NCBP3: variants seen among roughly 807,000 people sequenced by gnomAD.
NCBP3 encodes nuclear cap-binding protein subunit 3.
Under a neutral mutation model 75.7 loss-of-function variants are expected in NCBP3, and 20 were observed. The ratio of observed to expected loss-of-function variants is 0.26; its 90% CI spans 0.19 to 0.38. The LOEUF (loss-of-function observed/expected upper bound fraction) is 0.38. Ranked by LOEUF, NCBP3 falls within the 10% of genes least tolerant of loss-of-function variation. NCBP3 has a pLI of 1.00. For missense variants in NCBP3, 678 were observed against 796.9 expected (o/e 0.85, Z 1.80); for synonymous variants, 293 against 290.5 (o/e 1.01, Z -0.09).
In NCBP3 at chr17:3,843,083, T is replaced by C; in HGVS notation, c.249+3A>G. 1.3e-6 allele frequency: 2 copies of C among 1,550,066 alleles called. No individual in the cohort carries two copies. The highest frequency in any genetic ancestry group is 1.7e-6 in the Non-Finnish European group (2 of 1,145,524). ...TGAATAAATAAATCATAGCCTGTCT[T>C]ACCTTGGAGGTGACATCAATTCCAG... On this transcript the variant is annotated splice_donor_region_variant and intron_variant, in intron 2 of 12. Coordinates refer to ENST00000389005, the MANE Select transcript of NCBP3 (RefSeq NM_001114118.3).
rs907155420 is a variant in NCBP3 at position 3,829,308 on chromosome 17, T to C, written c.416A>G (p.Gln139Arg). 1.4e-5 allele frequency: 22 copies of C among 1,551,628 alleles called. No individual in the cohort carries two copies. The highest frequency in any genetic ancestry group is 1.8e-5 in the Non-Finnish European group (21 of 1,146,972). The change falls in exon 4 of 13, where the codon CAA becomes CGA. Residue 139 changes from glutamine (Q) to arginine (R), a missense_variant. Physicochemically the swap from Gln to Arg is conservative, Grantham distance 43 (BLOSUM62 1). Coordinates refer to ENST00000389005, the MANE Select transcript of NCBP3 (RefSeq NM_001114118.3). ...TTCTTTAAAATAGGAAAAGACATCT[T>C]GGGTGCTCATCTCATCTACTCCGCA... Reference protein sequence around the residue: ...YICGVDEMSTQDVFSYFKEYP... With the variant: ...YICGVDEMSTRDVFSYFKEYP...
chr17:3,825,248 C>T (rs2053762887), intron 6 of NCBP3, among the ~76,000 whole-genome samples, 198 bp from the exon 7 acceptor site: 1 of 152,108 alleles, frequency 6.6e-6, no homozygotes, highest in Non-Finnish European at 1.5e-5. Flanking sequence ...ATTCTCTATC[C>T]CCTACTCTTT....
At chr17:3,825,224 G>C (rs781486457) in intron 6 of NCBP3, among the ~76,000 whole-genome samples, 174 bp from the exon 7 acceptor site, 3 of 152,150 alleles carry the variant, frequency 2.0e-5, no homozygotes, top group Non-Finnish European at 2.9e-5. Flanking sequence ...TTGTCTAAAA[G>C]AACAGTCTCC....
At chr17:3,844,253 AC>A (rs2054118492) in intron 1 of NCBP3, among the ~76,000 whole-genome samples, 2 of 152,192 alleles carry the variant, frequency 1.3e-5, no homozygotes, top group African/African-American at 2.4e-5. Flanking sequence ...TCTGACAGTC[AC>A]TAATTACAGG....
intron 4 of NCBP3, among the ~76,000 whole-genome samples, chr17:3,828,191 T>C (rs1401729043): frequency 2.0e-5 from 3 of 152,210 alleles, no homozygotes; most frequent in Non-Finnish European, 4.4e-5. Context: ...AGTGCTGGGA[T>C]TACAGGCCTG....
chr17:3,814,567 GC>G, intron 11 of NCBP3, 84 bp from the exon 12 acceptor site: 1 of 1,443,132 alleles, frequency 6.9e-7, no homozygotes, highest in South Asian at 1.3e-5. Context: ...AACGGATCTG[GC>G]GCTAACCCCT....
At chr17:3,839,478 G>C (rs2054029054) in intron 3 of NCBP3, among the ~76,000 whole-genome samples, 1 of 152,130 alleles carries the variant, frequency 6.6e-6, no homozygotes, top group Non-Finnish European at 1.5e-5. Context: ...CTCCCGAGTA[G>C]CTGAGATTAC....
rs768425985 is a variant in NCBP3 at position 3,826,148 on chromosome 17, T to C, written c.549A>G (p.Ala183=). 9.7e-6 allele frequency: 15 copies of C among 1,551,572 alleles called. No homozygotes were observed. The highest frequency in any genetic ancestry group is 1.2e-5 in the Non-Finnish European group (14 of 1,146,956). The change falls in exon 5 of 13, where the codon GCA becomes GCG. Residue 183 remains alanine, a synonymous_variant. Coordinates refer to ENST00000389005, the MANE Select transcript of NCBP3 (RefSeq NM_001114118.3). The stretch of plus-strand genomic sequence containing the variant: ...CATCCCTGCTTCTGATCTTATCCTG[T>C]GCAGGCAGGGAGCTCATATTGATAA... ...RALINMSSLP[A]QDKIRSRDAS... is the part of the protein sequence containing the mutation.
rs1196755502 is a variant in NCBP3, at chr17:3,810,186, G to C, written c.*2858C>G. On this transcript the variant is annotated 3_prime_UTR_variant, in exon 13 of 13. Transcript: ENST00000389005. ...AAATTAAGCTGGTAACAACAACAAAGGTTCATCCCGCTGCAGTGTGCAGAA... is the reference window on the plus strand; with the variant it reads ...AAATTAAGCTGGTAACAACAACAAACGTTCATCCCGCTGCAGTGTGCAGAA... 1 of 152,218 alleles carries C rather than the reference G, an allele frequency of 6.6e-6. No individual in the cohort carries two copies. The highest frequency in any genetic ancestry group is 1.5e-5 in the Non-Finnish European group (1 of 68,056). The allele number at this position is 152,218 out of a possible 1,614,324, so 9.4% of individuals were successfully genotyped here.
rs2053354647 is a variant in NCBP3 at position 3,807,989 on chromosome 17, T to C, written c.*5055A>G. 6.6e-6 allele frequency: 1 copy of C among 152,184 alleles called. No individual in the cohort carries two copies. The highest frequency in any genetic ancestry group is 6.6e-5 in the Admixed American group (1 of 15,266). The allele number at this position is 152,184 out of a possible 1,614,324, so 9.4% of individuals were successfully genotyped here. A position where few individuals can be genotyped will look rare whatever the true frequency, so the allele number is the denominator to read the frequency against. On this transcript the variant is annotated 3_prime_UTR_variant, in exon 13 of 13. Transcript: ENST00000389005. ...TTTCGCTTAAACACAATGGTATTTGTCTGAAAAAGATTTAAAAAAAGAAAA... is the reference window on the plus strand; with the variant it reads ...TTTCGCTTAAACACAATGGTATTTGCCTGAAAAAGATTTAAAAAAAGAAAA...
Position 3,808,376 on chromosome 17 carries a change from GACCTTAGA to G in NCBP3, c.*4660_*4667del, listed in dbSNP as rs1397065811. 6.6e-6 allele frequency: 1 copy of G among 152,182 alleles called. No homozygotes were observed. The highest frequency in any genetic ancestry group is 1.9e-4 in the East Asian group (1 of 5,200). 9.4% of individuals were successfully genotyped at this position (152,182 alleles called of 1,614,324 possible). A position where few individuals can be genotyped will look rare whatever the true frequency, so the allele number is the denominator to read the frequency against. On this transcript the variant is annotated 3_prime_UTR_variant, in exon 13 of 13. Coordinates refer to ENST00000389005, the MANE Select transcript of NCBP3 (RefSeq NM_001114118.3). ...ACACTCCATTTTTATCTTAGGCACT[GACCTTAGA>G]ACTGAATCCTGGAGAGAGCTGAGAC... is the stretch of plus-strand genomic sequence containing the variant.
At position 3,806,726 on chromosome 17, in the gene NCBP3, A is replaced by G. The variant is rs571887376; in HGVS notation, c.*6318T>C. 1 of 152,106 alleles carries G rather than the reference A, an allele frequency of 6.6e-6. No homozygotes were observed. Among genetic ancestry groups the G allele is most frequent in the Non-Finnish European group, 1.5e-5 (1 of 67,950 alleles). 9.4% of individuals were successfully genotyped at this position (152,106 alleles called of 1,614,324 possible). A position where few individuals can be genotyped will look rare whatever the true frequency, so the allele number is the denominator to read the frequency against. On this transcript the variant is annotated 3_prime_UTR_variant, in exon 13 of 13. Transcript: ENST00000389005. ...GTTCATAGAGCTTCATTGAAAAAAAAAAAAAAAAAAAAGCTACAATATTTT... is the reference window on the plus strand; with the variant it reads ...GTTCATAGAGCTTCATTGAAAAAAAGAAAAAAAAAAAAGCTACAATATTTT...
chr17:3,832,890 G>A (rs1433251129), intron 3 of NCBP3, among the ~76,000 whole-genome samples: 1 of 152,094 alleles, frequency 6.6e-6, no homozygotes, highest in Non-Finnish European at 1.5e-5. Context: ...TGTAAGTGTG[G>A]CCAGACTAAT....
intron 9 of NCBP3, among the ~76,000 whole-genome samples, chr17:3,820,507 C>G (rs1476869723): frequency 6.6e-6 from 1 of 152,084 alleles, no homozygotes. Context: ...GAAAGAAACC[C>G]AAGTCATGAT....
rs559565759 is a variant in NCBP3, at chr17:3,837,560, T to C, written c.355+2540A>G. 9.7e-4 allele frequency among the ~76,000 whole-genome samples: 145 copies of C among 150,240 alleles called. 1 individual carries two copies. Among genetic ancestry groups the C allele is most frequent in the African/African-American group, 3.1e-3 (126 of 40,820 alleles). The stretch of plus-strand genomic sequence containing the variant: ...TCAGGAGGTCAGGAGCTTGAAACCC[T>C]GTCTCTACTAAAAAATACAAAAAAT... On this transcript the variant is annotated intron_variant, in intron 3 of 12. Transcript: ENST00000389005.
intron 4 of NCBP3, among the ~76,000 whole-genome samples, chr17:3,828,511 G>A (rs148937569): frequency 4.6e-5 from 7 of 152,170 alleles, no homozygotes; most frequent in Non-Finnish European, 1.0e-4. Context: ...TAAGAAAACC[G>A]GCTGCCATCT....
In NCBP3 at chr17:3,818,348, T is replaced by G; in HGVS notation, c.1225A>C (p.Lys409Gln). The change falls in exon 10 of 13, where the codon AAA (lysine) becomes CAA (glutamine). Residue 409 changes from lysine (K) to glutamine (Q), a missense_variant. Physicochemically the swap from Lys to Gln is moderately conservative, Grantham distance 53. Transcript: ENST00000389005. This position sits in a 1 kb window ranked among gnomAD's most constrained non-coding sequence, Gnocchi z 4.7. ...SDEMDYDLEL[K>Q]MISTPSPKKS... Reference sequence around the variant, plus strand: ...TTTGGTGAAGGCGTGGAAATCATTTTCAGTTCTAGATCATAGTCCATTTCA... The same window carrying G: ...TTTGGTGAAGGCGTGGAAATCATTTGCAGTTCTAGATCATAGTCCATTTCA... 1 of 1,614,178 alleles carries G rather than the reference T, an allele frequency of 6.2e-7. No individual in the cohort carries two copies. Among genetic ancestry groups the G allele is most frequent in the Non-Finnish European group, 8.5e-7 (1 of 1,180,022 alleles).
At position 3,840,283 on chromosome 17, in the gene NCBP3, G is replaced by C. The variant is rs556429754; in HGVS notation, c.250-78C>G. The stretch of plus-strand genomic sequence containing the variant: ...ATCACACATGCATCATGATGCATCA[G>C]TGACAAACCTGAACTAAAAAAGAAG... On this transcript the variant is annotated intron_variant, in intron 2 of 12. Transcript: ENST00000389005. 1.5e-5 allele frequency: 17 copies of C among 1,145,730 alleles called. No individual in the cohort carries two copies. The South Asian group carries it at 2.1e-4, about 14-fold the overall frequency. The allele number at this position is 1,145,730 out of a possible 1,614,324, so 71.0% of individuals were successfully genotyped here. A position where few individuals can be genotyped will look rare whatever the true frequency, so the allele number is the denominator to read the frequency against.
intron 11 of NCBP3, among the ~76,000 whole-genome samples, chr17:3,815,547 A>C (rs2053514168): frequency 6.6e-6 from 1 of 152,208 alleles, no homozygotes; most frequent in African/African-American, 2.4e-5. Flanking sequence ...CTTGTATATA[A>C]AGTATACCAG....
Sources: gnomAD v4.1 joint callset for allele counts (sites outside exome capture counted in the v4.1 genomes callset) on GRCh38, gnomAD v4.1.1 for gene constraint, Gnocchi (gnomAD v3.1) non-coding constraint, MANE v1.5 for transcripts, NCBI Gene and HGNC (gene_info 2026-07-23, HGNC 2026-07-21) for gene names.